ZFHX4: variants seen among roughly 807,000 people sequenced by gnomAD.
ZFHX4 encodes the protein zinc finger homeobox protein 4.
ZFHX4 carries 56 observed loss-of-function variants against 267.6 expected under a neutral mutation model. That is an observed-to-expected ratio of 0.21 (90% CI 0.17 to 0.26). The LOEUF (loss-of-function observed/expected upper bound fraction) is 0.26. ZFHX4 is among the 10% of genes least tolerant of loss of function. ZFHX4 has a pLI of 1.00. For missense variants in ZFHX4, 4,332 were observed against 4,420.0 expected (o/e 0.98, Z 0.56); for synonymous variants, 1,778 against 1,665.6 (o/e 1.07, Z -1.64).
intron 4 of ZFHX4, among the ~76,000 whole-genome samples, chr8:76,801,784 C>T (rs1349374460): frequency 3.9e-5 from 6 of 152,092 alleles, no homozygotes; most frequent in Admixed American, 2.6e-4. Context: ...TAGTAATTTG[C>T]TGAGGTATTA....
chr8:76,746,251 A>T (rs558597193), intron 3 of ZFHX4, among the ~76,000 whole-genome samples: 10 of 152,248 alleles, frequency 6.6e-5, no homozygotes, highest in African/African-American at 9.6e-5. Flanking sequence ...AACATAAATT[A>T]AAAAAATTAG....
Position 76,705,823 on chromosome 8 carries a change from C to T in ZFHX4, c.1735C>T (p.Arg579Trp), listed in dbSNP as rs772303148. The T allele has an allele frequency of 1.5e-5, 25 of 1,613,600 alleles. No homozygotes were observed. Among genetic ancestry groups the T allele is most frequent in the Admixed American group, 5.0e-5 (3 of 59,980 alleles). Residue 579 changes from arginine to tryptophan, a missense_variant, in exon 2 of 11, where the codon CGG (arginine) becomes TGG (tryptophan). Around this residue, in one of 7 missense-constraint regions of ZFHX4, gnomAD observed 1,195 missense variants for 1,173.6 expected, o/e 1.02. Transcript: ENST00000651372. ...AGCTGCTCATCCAAGTGAAATAGCC[C>T]GGGGAGACGAAGACAGTTCAGCCAC... ...ATAAHPSEIARGDEDSSATPH... is the reference protein window; with the variant it reads ...ATAAHPSEIAWGDEDSSATPH...
Position 76,851,742 on chromosome 8 carries a change from A to T in ZFHX4, c.4821A>T (p.Thr1607=), listed in dbSNP as rs919597221. Residue 1607 remains threonine, a synonymous_variant, in exon 10 of 11, where the codon ACA becomes ACT. Transcript: ENST00000651372. ...ATGTTGCATACAGCCAAAGCTCAAC[A>T]TTGGAAATCCACATGAGGTCTGTGC... ...ICNVAYSQSS[T]LEIHMRSVLH... The T allele has an allele frequency of 6.2e-7, 1 of 1,613,872 alleles. No individual in the cohort carries two copies. Among genetic ancestry groups the T allele is most frequent in the African/African-American group, 1.3e-5 (1 of 74,938 alleles).
At position 76,833,398 on chromosome 8, in the gene ZFHX4, C is replaced by T. The variant is rs771559055; in HGVS notation, c.3386C>T (p.Ser1129Leu). Reference sequence around the variant, plus strand: ...GATCTTACAGAGCAGCAGTTGAGATCGACCTCAGGTAATGGTTCCTACTCC... The same window carrying T: ...GATCTTACAGAGCAGCAGTTGAGATTGACCTCAGGTAATGGTTCCTACTCC... Reference protein sequence around the residue: ...DDDLTEQQLRSTSEEQSEEAE... With the variant: ...DDDLTEQQLRLTSEEQSEEAE... The change falls in exon 5 of 11, where the codon TCG becomes TTG. Residue 1129 changes from serine (S) to leucine (L), a missense_variant. Transcript: ENST00000651372. 3.4e-5 allele frequency: 54 copies of T among 1,607,928 alleles called. No individual in the cohort carries two copies. The highest frequency in any genetic ancestry group is 1.6e-4 in the Middle Eastern group (1 of 6,072).
chr8:76,837,114 C>T lies in ZFHX4; in HGVS notation c.3394+3708C>T, dbSNP rs1036816329. 3.3e-5 allele frequency among the ~76,000 whole-genome samples: 5 copies of T among 152,064 alleles called. No homozygotes were observed. The South Asian group carries it at 1.0e-3, about 32-fold the overall frequency. ...TCCAGTACAGTTACAAAATATAAAG[C>T]CATGATTCTGGATGAGATCGTCTAG... On this transcript the variant is annotated intron_variant, in intron 5 of 10. Coordinates refer to ENST00000651372, the MANE Select transcript of ZFHX4 (RefSeq NM_024721.5).
intron 10 of ZFHX4, among the ~76,000 whole-genome samples, chr8:76,862,663 A>G (rs1812901036): frequency 6.6e-6 from 1 of 152,208 alleles, no homozygotes; most frequent in African/African-American, 2.4e-5. Context: ...GTAATTATCA[A>G]ACTGCTCAAG....
Position 76,856,230 on chromosome 8 carries a change from C to A in ZFHX4, c.9309C>A (p.Gly3103=). 1 of 1,613,976 alleles carries A rather than the reference C, an allele frequency of 6.2e-7. No individual in the cohort carries two copies. The highest frequency in any genetic ancestry group is 8.5e-7 in the Non-Finnish European group (1 of 1,179,870). ...CAACAGCCTACCCCGGACTCCCCGG[C>A]CTTCCTCCAGTCCTTCTCCCCGGAA... ...SLPTAYPGLP[G]LPPVLLPGMN... The change falls in exon 10 of 11, where the codon GGC becomes GGA. Residue 3103 remains glycine, a synonymous_variant. Coordinates refer to ENST00000651372, the MANE Select transcript of ZFHX4 (RefSeq NM_024721.5).
intron 10 of ZFHX4, among the ~76,000 whole-genome samples, chr8:76,859,885 G>A (rs752984020): frequency 3.3e-5 from 5 of 152,046 alleles, no homozygotes; most frequent in Non-Finnish European, 1.5e-5. Flanking sequence ...TCTTCTGAAA[G>A]TATTACTATC....
At chr8:76,838,734 A>T (rs1812155205) in intron 5 of ZFHX4, among the ~76,000 whole-genome samples, 1 of 152,100 alleles carries the variant, frequency 6.6e-6, no homozygotes, top group Non-Finnish European at 1.5e-5. Flanking sequence ...GAGGAGAGGG[A>T]TCCCAAACCC....
intron 4 of ZFHX4, among the ~76,000 whole-genome samples, chr8:76,808,249 A>G (rs1165973438): frequency 1.3e-5 from 2 of 152,158 alleles, no homozygotes; most frequent in East Asian, 1.9e-4. Context: ...AAAATGTGCC[A>G]TATCTAAACC....
intron 5 of ZFHX4, among the ~76,000 whole-genome samples, chr8:76,840,359 C>T (rs918175878): frequency 2.6e-5 from 4 of 152,160 alleles, no homozygotes; most frequent in Admixed American, 2.6e-4. Flanking sequence ...GCTGCTGACA[C>T]AGAGTCTTTG....
At chr8:76,775,373 G>A (rs1213486275) in intron 3 of ZFHX4, among the ~76,000 whole-genome samples, 1 of 152,186 alleles carries the variant, frequency 6.6e-6, no homozygotes, top group Non-Finnish European at 1.5e-5. Flanking sequence ...CGCTGGGTAA[G>A]AAACCCAACA....
rs1812579094 is a variant in ZFHX4, at chr8:76,852,924, A to G, written c.6003A>G (p.Glu2001=). Residue 2001 remains glutamate, a synonymous_variant, in exon 10 of 11, where the codon GAA becomes GAG. Transcript: ENST00000651372. Reference sequence around the variant, plus strand: ...ATCCAATTTCTCCATCTTCTCCAGAAACGCCGCCCCCGCCACCTCCTCCTC... The same window carrying G: ...ATCCAATTTCTCCATCTTCTCCAGAGACGCCGCCCCCGCCACCTCCTCCTC... ...KLYPISPSSP[E]TPPPPPPPPP... 1 of 1,599,598 alleles carries G rather than the reference A, an allele frequency of 6.3e-7. No individual in the cohort carries two copies. Among genetic ancestry groups the G allele is most frequent in the Non-Finnish European group, 8.5e-7 (1 of 1,172,644 alleles).
intron 3 of ZFHX4, among the ~76,000 whole-genome samples, chr8:76,720,240 G>A (rs906508200): frequency 6.6e-6 from 1 of 152,016 alleles, no homozygotes; most frequent in Non-Finnish European, 1.5e-5. Flanking sequence ...GCCTGTTCTG[G>A]ACATTTCATA....
At chr8:76,721,147 A>C (rs1223269634) in intron 3 of ZFHX4, among the ~76,000 whole-genome samples, 4 of 152,142 alleles carry the variant, frequency 2.6e-5, no homozygotes, top group African/African-American at 9.7e-5. Flanking sequence ...GTAAAGATTT[A>C]GAGTCTTTTG....
In ZFHX4 at chr8:76,705,965, G is replaced by A. The variant is rs751323188; in HGVS notation, c.1877G>A (p.Arg626Lys). Residue 626 changes from arginine (R) to lysine (K), a missense_variant, in exon 2 of 11, where the codon AGG (arginine) becomes AAG (lysine). Physicochemically the swap from Arg to Lys is conservative, Grantham distance 26 (BLOSUM62 2). Transcript: ENST00000651372. ...PKCDTVLGSS[R>K]SLGGHMTMMH... is the part of the protein sequence containing the mutation. The stretch of plus-strand genomic sequence containing the variant: ...TGCGACACTGTGTTGGGGTCTTCGA[G>A]GTCTCTTGGTGGTCATATGACTATG... The A allele has an allele frequency of 1.6e-5, 26 of 1,612,952 alleles. No individual in the cohort carries two copies. In the South Asian group the frequency reaches 2.1e-4, roughly 13 times the overall value.
chr8:76,781,641 A>T (rs548953662), intron 4 of ZFHX4, among the ~76,000 whole-genome samples: 1 of 152,194 alleles, frequency 6.6e-6, no homozygotes, highest in South Asian at 2.1e-4. Context: ...TATATCTTAA[A>T]CATAAGCATT....
chr8:76,799,983 T>G (rs1321977990), intron 4 of ZFHX4, among the ~76,000 whole-genome samples: 1 of 152,184 alleles, frequency 6.6e-6, no homozygotes, highest in Non-Finnish European at 1.5e-5. Context: ...GGGCTTATTC[T>G]TTGTAACACT....
chr8:76,791,603 A>G (rs1161747406), intron 4 of ZFHX4, among the ~76,000 whole-genome samples: 2 of 152,170 alleles, frequency 1.3e-5, no homozygotes, highest in South Asian at 2.1e-4. Context: ...AACTTATTTT[A>G]GGAAGAAAAG....
Sources: gnomAD v4.1 joint callset for allele counts (sites outside exome capture counted in the v4.1 genomes callset) on GRCh38, gnomAD v4.1.1 for gene constraint, gnomAD v4.1.1 regional missense constraint, MANE v1.5 for transcripts, NCBI Gene and HGNC (gene_info 2026-07-23, HGNC 2026-07-21) for gene names.